The following PTCHD4 variants were observed in gnomAD, a reference collection of about 807,000 sequenced individuals.
PTCHD4 encodes patched domain-containing protein 4.
In PTCHD4, 33 loss-of-function variants were observed where a neutral mutation model predicts 58.1. The observed-to-expected ratio is 0.57, with a 90% CI of 0.43 to 0.76. The LOEUF is 0.76. Ranked by LOEUF, PTCHD4 falls within the 30% of genes least tolerant of loss-of-function variation. PTCHD4 has a pLI of 0.00. For synonymous variants in PTCHD4, 478 were observed against 409.6 expected (o/e 1.17, Z -2.02); for missense variants, 1,058 against 1,027.1 (o/e 1.03, Z -0.41).
chr6:48,012,652 A>T (rs1187120005), intron 3 of PTCHD4, among the ~76,000 whole-genome samples: 1 of 152,182 alleles, frequency 6.6e-6, no homozygotes, highest in Admixed American at 6.5e-5. Context: ...ATTTTGTGCC[A>T]GTTTTCAAAG....
At chr6:48,092,600 G>A (rs1230356376) in intron 1 of PTCHD4, among the ~76,000 whole-genome samples, 2 of 152,040 alleles carry the variant, frequency 1.3e-5, no homozygotes, top group Non-Finnish European at 2.9e-5. Context: ...ATTTATAAAT[G>A]GTCTTGACAT....
At chr6:47,932,998 GA>G (rs1765875581) in intron 4 of PTCHD4, among the ~76,000 whole-genome samples, 1 of 152,186 alleles carries the variant, frequency 6.6e-6, no homozygotes. Context: ...GAAGAAAGAT[GA>G]CACATAATGT....
intron 1 of PTCHD4, among the ~76,000 whole-genome samples, chr6:48,087,776 A>T (rs1219901869): frequency 3.3e-5 from 5 of 152,178 alleles, no homozygotes; most frequent in Non-Finnish European, 7.4e-5. Flanking sequence ...GAATTAACCT[A>T]CTGTTGTGTG....
intron 3 of PTCHD4, among the ~76,000 whole-genome samples, chr6:48,013,171 C>T (rs1479916104): frequency 1.3e-5 from 2 of 151,998 alleles, no homozygotes; most frequent in Non-Finnish European, 2.9e-5. Flanking sequence ...CTTTGTAACT[C>T]TGGTAGAATT....
At chr6:47,950,467 A>G (rs1487177723) in intron 4 of PTCHD4, among the ~76,000 whole-genome samples, 1 of 152,200 alleles carries the variant, frequency 6.6e-6, no homozygotes, top group Non-Finnish European at 1.5e-5. Context: ...AAAAGGTTAC[A>G]TAGATATTGG....
At chr6:48,087,606 A>G (rs1166757188) in intron 1 of PTCHD4, among the ~76,000 whole-genome samples, 5 of 152,220 alleles carry the variant, frequency 3.3e-5, no homozygotes, top group African/African-American at 1.2e-4. Flanking sequence ...TAGGTAAACT[A>G]ATTGAAGCTC....
At chr6:48,087,476 T>A (rs1765285789) in intron 1 of PTCHD4, among the ~76,000 whole-genome samples, 1 of 152,250 alleles carries the variant, frequency 6.6e-6, no homozygotes, top group South Asian at 2.1e-4. Context: ...ATATTAATGA[T>A]GTTAATTATA....
chr6:47,989,180 G>A (rs918475809), intron 4 of PTCHD4, among the ~76,000 whole-genome samples: 1 of 152,174 alleles, frequency 6.6e-6, no homozygotes, highest in Non-Finnish European at 1.5e-5. Flanking sequence ...TTGAGCTTGA[G>A]AAAGATGATT....
chr6:47,967,367 T>A (rs1767332199), intron 4 of PTCHD4, among the ~76,000 whole-genome samples: 1 of 152,228 alleles, frequency 6.6e-6, no homozygotes, highest in Non-Finnish European at 1.5e-5. Flanking sequence ...GCTTTGTTGT[T>A]ACCTTTATAG....
At chr6:48,072,465 T>C (rs1764993154) in intron 1 of PTCHD4, among the ~76,000 whole-genome samples, 1 of 152,180 alleles carries the variant, frequency 6.6e-6, no homozygotes, top group African/African-American at 2.4e-5. Flanking sequence ...TATTACTACT[T>C]CCTGGTACTA....
chr6:48,030,584 T>G (rs1251815297), intron 3 of PTCHD4, among the ~76,000 whole-genome samples: 1 of 152,144 alleles, frequency 6.6e-6, no homozygotes, highest in Non-Finnish European at 1.5e-5. Flanking sequence ...TAGGCAACTT[T>G]CATGTCTGCT....
At chr6:47,979,936 C>A (rs754137744) in intron 4 of PTCHD4, among the ~76,000 whole-genome samples, 49 of 151,990 alleles carry the variant, frequency 3.2e-4, no homozygotes, top group Non-Finnish European at 2.1e-4. Context: ...TAAATCTGCT[C>A]TACTTGGAAA....
At chr6:48,088,046 A>G (rs1023344008) in intron 1 of PTCHD4, among the ~76,000 whole-genome samples, 29 of 152,298 alleles carry the variant, frequency 1.9e-4, no homozygotes, top group African/African-American at 7.0e-4. Flanking sequence ...TTTATTTCAA[A>G]AATCAAAATA....
At chr6:47,889,293 A>G (rs1035885408) in intron 4 of PTCHD4, among the ~76,000 whole-genome samples, 8 of 120,144 alleles carry the variant, frequency 6.7e-5, no homozygotes, top group African/African-American at 2.2e-4. Context: ...AAGTGTTCCT[A>G]TTTCTCCACA....
chr6:47,967,754 T>C (rs1003052363), intron 4 of PTCHD4, among the ~76,000 whole-genome samples: 4 of 152,224 alleles, frequency 2.6e-5, no homozygotes, highest in African/African-American at 9.6e-5. Flanking sequence ...CTAAACTTCA[T>C]GAATCAACTT....
intron 3 of PTCHD4, among the ~76,000 whole-genome samples, chr6:48,035,189 CATATA>C (rs1053595408): frequency 2.6e-5 from 4 of 151,998 alleles, no homozygotes; most frequent in Non-Finnish European, 4.4e-5. Context: ...TTTTCCTAGT[CATATA>C]ATATACCATT....
At chr6:47,891,862 T>C (rs867928853) in intron 4 of PTCHD4, among the ~76,000 whole-genome samples, 1 of 152,234 alleles carries the variant, frequency 6.6e-6, no homozygotes, top group Non-Finnish European at 1.5e-5. Context: ...ACAAATATTT[T>C]TGGAAAATAA....
In PTCHD4 at chr6:47,872,643, T is replaced by C. The variant is rs765081068; in HGVS notation, c.*5660A>G. On this transcript the variant is annotated 3_prime_UTR_variant, in exon 5 of 5. Transcript: ENST00000339488. Reference sequence around the variant, plus strand: ...AGGGAAATTTTCAACTGGGGAAAAATAGTAGAAGCTGGCTTTCTATAATTT... The same window carrying C: ...AGGGAAATTTTCAACTGGGGAAAAACAGTAGAAGCTGGCTTTCTATAATTT... 6.6e-6 allele frequency among the ~76,000 whole-genome samples: 1 copy of C among 151,606 alleles called. No individual in the cohort carries two copies. Among genetic ancestry groups the C allele is most frequent in the South Asian group, 2.1e-4 (1 of 4,828 alleles).
intron 4 of PTCHD4, among the ~76,000 whole-genome samples, chr6:47,918,330 T>C (rs767630569): frequency 1.6e-4 from 25 of 152,116 alleles, no homozygotes; most frequent in Non-Finnish European, 2.8e-4. Flanking sequence ...AACCTGAAAT[T>C]GAGTTCTTTG....
Sources: allele counts gnomAD v4.1 joint callset (sites outside exome capture counted in the v4.1 genomes callset), GRCh38; gene constraint gnomAD v4.1.1; transcripts MANE v1.5; gene names NCBI Gene and HGNC (gene_info 2026-07-23, HGNC 2026-07-21).